The following FAM53B variants were observed in gnomAD, a reference collection of about 807,000 sequenced individuals.
FAM53B encodes family with sequence similarity 53 member B, also known as protein FAM53B.
FAM53B carries 12 observed loss-of-function variants against 32.7 expected under a neutral mutation model. The ratio of observed to expected loss-of-function variants is 0.37; its 90% confidence interval spans 0.24 to 0.59. FAM53B has a LOEUF of 0.59. Among genes scored for constraint, FAM53B ranks in the 20% least tolerant of loss-of-function variants. FAM53B has a pLI of 0.72. For missense variants in FAM53B, 477 were observed against 577.7 expected (o/e 0.83, Z 1.79); for synonymous variants, 234 against 228.7 (o/e 1.02, Z -0.21).
intron 4 of FAM53B, among the ~76,000 whole-genome samples, chr10:124,678,363 A>T (rs1949749592): frequency 6.6e-6 from 1 of 152,242 alleles, no homozygotes; most frequent in Non-Finnish European, 1.5e-5. Context: ...ATACACATAT[A>T]TAAACACACA....
chr10:124,715,424 A>G (rs940548846), intron 1 of FAM53B, among the ~76,000 whole-genome samples: 2 of 152,158 alleles, frequency 1.3e-5, no homozygotes, highest in Admixed American at 6.5e-5. Context: ...GGGAGTCACA[A>G]TGGCTTCTTG....
intron 2 of FAM53B, among the ~76,000 whole-genome samples, chr10:124,702,554 G>A (rs1403251641): frequency 6.6e-6 from 1 of 152,232 alleles, no homozygotes; most frequent in African/African-American, 2.4e-5. Context: ...GCCCATGCGA[G>A]AAGGTGCTGG....
At chr10:124,642,930 C>CT (rs1411542692) in intron 4 of FAM53B, among the ~76,000 whole-genome samples, 1 of 152,226 alleles carries the variant, frequency 6.6e-6, no homozygotes, top group Non-Finnish European at 1.5e-5. Flanking sequence ...CCACTGTCTC[C>CT]TCTAAGTAAG....
At chr10:124,628,107 G>A (rs1243687143) in intron 4 of FAM53B, among the ~76,000 whole-genome samples, 2 of 152,176 alleles carry the variant, frequency 1.3e-5, no homozygotes, top group Non-Finnish European at 2.9e-5. Flanking sequence ...GGGTGAACAC[G>A]TAATAGAGAC....
chr10:124,701,976 TCCTCACACC>T (rs1337555096), intron 2 of FAM53B, among the ~76,000 whole-genome samples: 4 of 151,882 alleles, frequency 2.6e-5, no homozygotes, highest in African/African-American at 4.8e-5. Context: ...GGAGACCGAG[TCCTCACACC>T]CCTCAACAGG....
chr10:124,715,022 A>G (rs988968149), intron 1 of FAM53B, among the ~76,000 whole-genome samples: 10 of 152,206 alleles, frequency 6.6e-5, no homozygotes, highest in African/African-American at 2.4e-4. Context: ...ACCCACATCT[A>G]CAGAACTCCA....
intron 1 of FAM53B, among the ~76,000 whole-genome samples, chr10:124,712,945 T>G (rs1950014720): frequency 6.6e-6 from 1 of 151,972 alleles, no homozygotes; most frequent in Non-Finnish European, 1.5e-5. Flanking sequence ...ACCCCAAGAG[T>G]GCATCTGCCC....
chr10:124,654,563 CCT>C (rs1949575401), intron 4 of FAM53B, among the ~76,000 whole-genome samples: 1 of 152,218 alleles, frequency 6.6e-6, no homozygotes, highest in Non-Finnish European at 1.5e-5. Flanking sequence ...GCAGAATCCG[CCT>C]CTGATTCATC....
At chr10:124,675,021 A>G (rs1949728820) in intron 4 of FAM53B, among the ~76,000 whole-genome samples, 1 of 152,204 alleles carries the variant, frequency 6.6e-6, no homozygotes. Context: ...CGTGGAAATC[A>G]CCAAGTGGCA....
chr10:124,738,919 C>A (rs1223043845), intron 1 of FAM53B, among the ~76,000 whole-genome samples: 1 of 152,076 alleles, frequency 6.6e-6, no homozygotes, highest in Non-Finnish European at 1.5e-5. Flanking sequence ...CAGAAGGTCA[C>A]TGGAAATGTT....
intron 4 of FAM53B, among the ~76,000 whole-genome samples, chr10:124,678,869 G>A (rs1340791320): frequency 6.6e-6 from 1 of 152,148 alleles, no homozygotes; most frequent in Admixed American, 6.5e-5. Flanking sequence ...TGGCCAGAGG[G>A]AAGCCCCCGT....
At chr10:124,666,580 C>A (rs975950609) in intron 4 of FAM53B, among the ~76,000 whole-genome samples, 1 of 152,202 alleles carries the variant, frequency 6.6e-6, no homozygotes, top group Non-Finnish European at 1.5e-5. Flanking sequence ...GCAAAGCTGT[C>A]TTCTCAGCAC....
rs1554901011 is a variant in FAM53B, at chr10:124,620,363, C to CCCCG, written c.*2878_*2879insCGGG. 2.0e-5 allele frequency: 3 copies of CCCCG among 146,390 alleles called. No individual in the cohort carries two copies. Among genetic ancestry groups the CCCCG allele is most frequent in the East Asian group, 2.2e-4 (1 of 4,456 alleles). 9.1% of individuals were successfully genotyped at this position (146,390 alleles called of 1,614,324 possible). ...GGTGCATGTGGCACTAAGCCCCCCC[C>CCCCG]ACCGCCCCGGCTTTCCTGCAGGCTT... On this transcript the variant is annotated 3_prime_UTR_variant, in exon 5 of 5. Coordinates refer to ENST00000337318, the MANE Select transcript of FAM53B (RefSeq NM_014661.4).
intron 1 of FAM53B, among the ~76,000 whole-genome samples, chr10:124,716,484 G>A (rs1950038919): frequency 6.6e-6 from 1 of 152,172 alleles, no homozygotes; most frequent in Admixed American, 6.5e-5. Context: ...AGAGGAGGGG[G>A]AGGAATGACA....
chr10:124,680,356 G>A (rs899134522), intron 4 of FAM53B, among the ~76,000 whole-genome samples: 10 of 152,268 alleles, frequency 6.6e-5, no homozygotes, highest in Non-Finnish European at 1.3e-4. Context: ...GAACAAAGGT[G>A]GCCAGAAAGT....
At chr10:124,635,325 T>C (rs532924234) in intron 4 of FAM53B, among the ~76,000 whole-genome samples, 2 of 152,262 alleles carry the variant, frequency 1.3e-5, no homozygotes, top group African/African-American at 4.8e-5. Flanking sequence ...ACTCCTGACC[T>C]TGTGATCTGC....
At chr10:124,700,157 G>A (rs942457185) in intron 2 of FAM53B, among the ~76,000 whole-genome samples, 3 of 152,238 alleles carry the variant, frequency 2.0e-5, no homozygotes, top group East Asian at 1.9e-4. Context: ...TACCCTGACC[G>A]CTGGCAGGTT....
In FAM53B at chr10:124,706,734, G is replaced by C; in HGVS notation, c.-21C>G. The stretch of plus-strand genomic sequence containing the variant: ...ACCATGATAAGGGCCTCAGGCGCTG[G>C]GCTCCATCCCAGGGTGGGTATCAGC... On this transcript the variant is annotated 5_prime_UTR_variant, in exon 2 of 5. Transcript: ENST00000337318. The C allele has an allele frequency of 6.2e-7, 1 of 1,613,918 alleles. No homozygotes were observed. The highest frequency in any genetic ancestry group is 1.1e-5 in the South Asian group (1 of 91,070).
rs1411822028 is a variant in FAM53B, at chr10:124,682,768, G to GGC, written c.134-390_134-389insGC. The stretch of plus-strand genomic sequence containing the variant: ...CTGCCCCTGGCTGATGAGAGAGTCG[G>GGC]GACAAGACATCTGTTAAGTGCCACC... On this transcript the variant is annotated intron_variant, in intron 3 of 4. Coordinates refer to ENST00000337318, the MANE Select transcript of FAM53B (RefSeq NM_014661.4). The surrounding 1 kb of genome is among the most constrained non-coding windows in gnomAD (Gnocchi z 5.2). 1.3e-5 allele frequency among the ~76,000 whole-genome samples: 2 copies of GGC among 152,342 alleles called. No individual in the cohort carries two copies. The highest frequency in any genetic ancestry group is 4.8e-5 in the African/African-American group (2 of 41,568).
Sources: allele counts gnomAD v4.1 joint callset (sites outside exome capture counted in the v4.1 genomes callset), GRCh38; gene constraint gnomAD v4.1.1; non-coding constraint Gnocchi (gnomAD v3.1); transcripts MANE v1.5; gene names NCBI Gene and HGNC (gene_info 2026-07-23, HGNC 2026-07-21).